Variants in ZNF717 observed in about 807,000 individuals in gnomAD.
ZNF717 encodes the protein krueppel-like factor X17.
A neutral mutation model predicts 13.8 loss-of-function variants in ZNF717; 9 were observed. That is an observed-to-expected ratio of 0.65 (90% CI 0.39 to 1.14). ZNF717 has a LOEUF of 1.14. Ranked by LOEUF, ZNF717 falls within the 50% of genes most tolerant of loss-of-function variation. The pLI, the probability that ZNF717 is intolerant of heterozygous loss-of-function variation, is 0.01. For synonymous variants in ZNF717, 327 were observed against 364.1 expected, an observed-to-expected ratio of 0.90 and a Z score of 1.16; for missense variants, 1,040 against 1,080.7, an observed-to-expected ratio of 0.96 and a Z score of 0.53.
chr3:75,762,285 CAAAAAAT>C (rs1387659172), intron 2 of ZNF717, among the ~76,000 whole-genome samples: 1 of 147,638 alleles, frequency 6.8e-6, no homozygotes, highest in Non-Finnish European at 1.5e-5. Context: ...CTAAAAATAC[CAAAAAAT>C]TAGCTGGGCA....
intron 6 of ZNF717, among the ~76,000 whole-genome samples, chr3:75,696,556 G>C (rs1413842549): frequency 2.0e-5 from 3 of 152,312 alleles, no homozygotes; most frequent in Non-Finnish European, 2.9e-5. Flanking sequence ...GGGATGCAAG[G>C]ATGGTTCAAC....
chr3:75,724,886 G>C (rs1410612607), intron 4 of ZNF717, among the ~76,000 whole-genome samples: 1 of 152,264 alleles, frequency 6.6e-6, no homozygotes. Context: ...CACTGTTCCA[G>C]GTATAGCTCT....
chr3:75,713,927 T>A (rs796388773), intron 5 of ZNF717, among the ~76,000 whole-genome samples: 1 of 152,164 alleles, frequency 6.6e-6, no homozygotes, highest in Non-Finnish European at 1.5e-5. Flanking sequence ...ATGTGTCCAC[T>A]GGATGGGGGC....
chr3:75,768,708 C>A (rs1432577886), intron 2 of ZNF717, among the ~76,000 whole-genome samples: 1 of 136,142 alleles, frequency 7.3e-6, no homozygotes, highest in Non-Finnish European at 1.5e-5. Context: ...GTCCTCACTG[C>A]GGCTGAGTGT....
At chr3:75,701,891 A>G (rs1226410670) in intron 6 of ZNF717, among the ~76,000 whole-genome samples, 10 of 152,190 alleles carry the variant, frequency 6.6e-5, no homozygotes, top group Admixed American at 1.3e-4. Context: ...GGTGCTCCAC[A>G]TTACTGATCA....
At chr3:75,725,724 C>T (rs1310233379), downstream of ZNF717, among the ~76,000 whole-genome samples, 1 of 152,192 alleles carries the variant, frequency 6.6e-6, no homozygotes, top group Admixed American at 6.5e-5. Context: ...AACTTCCCTC[C>T]ATACAACCAT....
chr3:75,705,109 G>A (rs1937778484), downstream of ZNF717, among the ~76,000 whole-genome samples: 1 of 152,304 alleles, frequency 6.6e-6, no homozygotes, highest in Non-Finnish European at 1.5e-5. Flanking sequence ...GGTCATCTTT[G>A]ATGAGCTGGT....
downstream of ZNF717, among the ~76,000 whole-genome samples, chr3:75,731,142 T>C (rs1322861073): frequency 6.6e-6 from 1 of 151,514 alleles, no homozygotes; most frequent in Non-Finnish European, 1.5e-5. Context: ...TTCGGGAGCT[T>C]GAGGTGGGTG....
intron 6 of ZNF717, among the ~76,000 whole-genome samples, chr3:75,697,596 A>AT (rs1414232882): frequency 3.3e-5 from 5 of 152,400 alleles, no homozygotes; most frequent in Non-Finnish European, 1.5e-5. Flanking sequence ...CCCCAGAAGC[A>AT]TATGCCAGTG....
At chr3:75,776,909 G>C (rs74785489) in intron 2 of ZNF717, among the ~76,000 whole-genome samples, 14,021 of 140,296 alleles carry the variant, frequency 0.1, 1,050 homozygotes, top group African/African-American at 0.21. Context: ...ACAAAAAACC[G>C]ACTTAGTTAA....
chr3:75,700,062 T>C (rs1937654788), intron 6 of ZNF717, among the ~76,000 whole-genome samples: 2 of 152,426 alleles, frequency 1.3e-5, no homozygotes, highest in East Asian at 3.9e-4. Flanking sequence ...AAAATGTCCA[T>C]ACAATCCAAA....
chr3:75,714,376 T>C (rs1461393939), intron 5 of ZNF717, among the ~76,000 whole-genome samples: 1 of 152,108 alleles, frequency 6.6e-6, no homozygotes, highest in Non-Finnish European at 1.5e-5. Context: ...TGTCTTCTGG[T>C]AACTTCTCAC....
intron 2 of ZNF717, among the ~76,000 whole-genome samples, chr3:75,781,523 C>T (rs547549474): frequency 6.6e-6 from 1 of 152,230 alleles, no homozygotes; most frequent in East Asian, 1.9e-4. Flanking sequence ...TTGTAATACC[C>T]AAAGTTGTGT....
At chr3:75,713,131 T>C (rs1408348855) in intron 5 of ZNF717, among the ~76,000 whole-genome samples, 2 of 151,948 alleles carry the variant, frequency 1.3e-5, no homozygotes, top group African/African-American at 2.4e-5. Flanking sequence ...CAAAAAGAAT[T>C]ATCCATATTA....
chr3:75,737,788 G>C lies in ZNF717; in HGVS notation c.1835C>G (p.Thr612Ser). 6.4e-7 allele frequency: 1 copy of C among 1,551,474 alleles called. No homozygotes were observed. The highest frequency in any genetic ancestry group is 8.7e-7 in the Non-Finnish European group (1 of 1,146,762). The change falls in exon 5 of 5, where the codon ACT becomes AGT. Residue 612 changes from threonine to serine, a missense_variant. This residue lies in a region of ZNF717 where 873 missense variants were observed against 832.8 expected (regional missense o/e 1.05). Transcript: ENST00000652011. The part of the protein sequence containing the change: ...NKLNLGIHKR[T>S]HTGERPYECN... ...TTCATAGGGTCTTTCCCCTGTGTGA[G>C]TTCTCTTGTGTATCCCAAGGTTTAA...
intron 2 of ZNF717, among the ~76,000 whole-genome samples, chr3:75,746,872 A>G (rs1941232682): frequency 6.6e-6 from 1 of 152,040 alleles, no homozygotes. Context: ...GTTTAATTAG[A>G]TCCTATTTGT....
chr3:75,712,647 A>G (rs1937964518), intron 5 of ZNF717, among the ~76,000 whole-genome samples: 1 of 152,160 alleles, frequency 6.6e-6, no homozygotes, highest in South Asian at 2.1e-4. Context: ...TTAGTTTAGG[A>G]TGAAAATTTA....
At chr3:75,727,529 T>C (rs111338154), downstream of ZNF717, among the ~76,000 whole-genome samples, 126,580 of 151,896 alleles carry the variant, frequency 0.83, 52,662 homozygotes, top group East Asian at 0.89. Context: ...GGTCTATAGA[T>C]GGCCGCTCTG....
chr3:75,744,930 C>T (rs76031595), intron 2 of ZNF717, among the ~76,000 whole-genome samples: 3,177 of 91,394 alleles, frequency 0.035, no homozygotes, highest in Admixed American at 0.049. Flanking sequence ...ATGTTCCGCC[C>T]AAGGTGGAAA....
Sources: gnomAD v4.1 joint callset for allele counts (sites outside exome capture counted in the v4.1 genomes callset) on GRCh38, gnomAD v4.1.1 for gene constraint, gnomAD v4.1.1 regional missense constraint, MANE v1.5 for transcripts, NCBI Gene and HGNC (gene_info 2026-07-23, HGNC 2026-07-21) for gene names.